Variants in CDH23 observed in about 807,000 individuals in gnomAD.
CDH23 encodes cadherin-23.
Under a neutral mutation model 317.1 loss-of-function variants are expected in CDH23, and 189 were observed. The observed-to-expected ratio is 0.60, with a 90% confidence interval of 0.53 to 0.67. CDH23 has a LOEUF of 0.67. CDH23 is among the 30% of genes least tolerant of loss of function. The pLI, the probability that CDH23 is intolerant of heterozygous loss-of-function variation, is 0.00. For missense variants in CDH23, 4,401 were observed against 4,592.4 expected, an observed-to-expected ratio of 0.96 and a Z score of 1.20; for synonymous variants, 1,839 against 1,876.8, an observed-to-expected ratio of 0.98 and a Z score of 0.52.
intron 28 of CDH23, among the ~76,000 whole-genome samples, chr10:71,721,116 G>C (rs1229786490): frequency 6.6e-6 from 1 of 152,182 alleles, no homozygotes; most frequent in Non-Finnish European, 1.5e-5. Context: ...GGTGGTGCAG[G>C]CTGCTGGAGC....
At chr10:71,747,494 C>G (rs545027206) in intron 38 of CDH23, 1 of 152,438 alleles carries the variant, frequency 6.6e-6, no homozygotes, top group African/African-American at 2.4e-5. Context: ...AGGTGAAGGC[C>G]AAGCCAGGCC....
chr10:71,412,037 C>T (rs946200177), intron 1 of CDH23, among the ~76,000 whole-genome samples: 1 of 152,192 alleles, frequency 6.6e-6, no homozygotes, highest in Non-Finnish European at 1.5e-5. Context: ...TTCTGGGTAT[C>T]TGGTATGAGT....
At chr10:71,455,781 T>C (rs1192264349) in intron 3 of CDH23, among the ~76,000 whole-genome samples, 1 of 152,208 alleles carries the variant, frequency 6.6e-6, no homozygotes, top group Non-Finnish European at 1.5e-5. Flanking sequence ...CACTCCTATA[T>C]TAAATCAGAG....
Position 71,668,855 on chromosome 10 carries a change from AT to A in CDH23, c.1450-6250del, listed in dbSNP as rs544044971. On this transcript the variant is annotated intron_variant, in intron 14 of 69. Coordinates refer to ENST00000224721, the MANE Select transcript of CDH23 (RefSeq NM_022124.6). ...GAATTTTTCACCCCCGTATGTATTT[AT>A]TTTTTTCCTTTTTGTCAGCAGAAGA... Among the ~76,000 whole-genome samples the A allele has an allele frequency of 2.2e-3, 331 of 152,114 alleles. 2 individuals carry two copies. Among genetic ancestry groups the A allele is most frequent in the Admixed American group, 5.0e-3 (77 of 15,284 alleles).
intron 45 of CDH23, 30 bp from the exon 46 acceptor site, chr10:71,790,258 C>G: frequency 6.2e-7 from 1 of 1,612,386 alleles, no homozygotes. Context: ...CTGGGTTGGT[C>G]TTGTGGTGAC....
Position 71,798,461 on chromosome 10 carries a change from A to T in CDH23, c.6937A>T (p.Thr2313Ser), listed in dbSNP as rs1386105739. The change falls in exon 50 of 70, where the codon ACC becomes TCC. Residue 2313 changes from threonine (T) to serine (S), a missense_variant. By Grantham distance (58) the Thr-to-Ser change is moderately conservative. Transcript: ENST00000224721. ...ERILEGATPG[T>S]TLIAVAAVDP... ...GATCCTGGAGGGGGCCACCCCTGGG[A>T]CCACACTCATTGCTGTGGCAGCCGT... is the stretch of plus-strand genomic sequence containing the variant. 1 of 1,613,928 alleles carries T rather than the reference A, an allele frequency of 6.2e-7. No individual in the cohort carries two copies. The highest frequency in any genetic ancestry group is 1.1e-5 in the South Asian group (1 of 91,084).
At chr10:71,428,139 CTTTTTTTT>C (rs112105182) in intron 1 of CDH23, among the ~76,000 whole-genome samples, 1 of 131,536 alleles carries the variant, frequency 7.6e-6, no homozygotes, top group African/African-American at 3.0e-5. Flanking sequence ...TTCTTTCTTT[CTTTTTTTT>C]TTTTTTTTTT....
At chr10:71,514,504 A>T (rs931207448) in intron 6 of CDH23, among the ~76,000 whole-genome samples, 1 of 152,154 alleles carries the variant, frequency 6.6e-6, no homozygotes, top group African/African-American at 2.4e-5. Flanking sequence ...AGGCGGTTCA[A>T]GGCTAGGCAT....
At chr10:71,500,816 T>TTTCTTTTCTTTTCTTTTC (rs1853276470) in intron 3 of CDH23, among the ~76,000 whole-genome samples, 1 of 115,698 alleles carries the variant, frequency 8.6e-6, no homozygotes, top group Non-Finnish European at 1.9e-5. Context: ...TTTCTTTTCT[T>TTTCTTTTCTTTTCTTTTC]TTCTCTTTCC....
At chr10:71,615,378 C>T (rs906910413) in intron 9 of CDH23, 126 bp from the exon 10 acceptor site, 4 of 712,072 alleles carry the variant, frequency 5.6e-6, no homozygotes, top group African/African-American at 3.5e-5. Flanking sequence ...GCATTCATTT[C>T]AAGTAACTGA....
At chr10:71,506,865 A>T (rs1433375997) in intron 3 of CDH23, among the ~76,000 whole-genome samples, 1 of 152,224 alleles carries the variant, frequency 6.6e-6, no homozygotes, top group Non-Finnish European at 1.5e-5. Context: ...GAAGAAGCTG[A>T]AAAGGACCAT....
chr10:71,536,912 C>G (rs1414413563), intron 6 of CDH23, among the ~76,000 whole-genome samples: 1 of 152,050 alleles, frequency 6.6e-6, no homozygotes. Context: ...CATGGGAGAC[C>G]TCTGCTGTCC....
In CDH23 at chr10:71,777,919, G is replaced by T; in HGVS notation, c.5067+18G>T. The T allele has an allele frequency of 6.2e-7, 1 of 1,613,316 alleles. No homozygotes were observed. Among genetic ancestry groups the T allele is most frequent in the Non-Finnish European group, 8.5e-7 (1 of 1,179,428 alleles). On this transcript the variant is annotated intron_variant, in intron 39 of 69. Transcript: ENST00000224721. ...GACACATGGTCAGCAGCTGATGGCA[G>T]GATCAAGACAAGGGGCGAAACCTAT...
intron 14 of CDH23, among the ~76,000 whole-genome samples, chr10:71,668,605 T>C (rs1864010242): frequency 6.6e-6 from 1 of 152,226 alleles, no homozygotes; most frequent in African/African-American, 2.4e-5. Flanking sequence ...GCTGGTCCTA[T>C]AGGGCTGTTG....
chr10:71,811,081 CA>C (rs35466313), intron 62 of CDH23, among the ~76,000 whole-genome samples: 26,536 of 66,506 alleles, frequency 0.4, 2,079 homozygotes, highest in Middle Eastern at 0.45. Flanking sequence ...GACTCCATCT[CA>C]AAAAAAAAAA....
At chr10:71,794,958 C>T (rs141011228) in intron 48 of CDH23, among the ~76,000 whole-genome samples, 139 of 152,202 alleles carry the variant, frequency 9.1e-4, no homozygotes, top group African/African-American at 3.3e-3. Context: ...GGGGTACCAG[C>T]CAGCAGTGCC....
intron 1 of CDH23, among the ~76,000 whole-genome samples, chr10:71,408,817 G>A (rs1848226367): frequency 6.6e-6 from 1 of 152,236 alleles, no homozygotes; most frequent in Non-Finnish European, 1.5e-5. Context: ...AGGGGAATGG[G>A]AAAGGCCAGG....
At chr10:71,771,201 C>G (rs1004062048) in intron 38 of CDH23, among the ~76,000 whole-genome samples, 1 of 152,126 alleles carries the variant, frequency 6.6e-6, no homozygotes, top group South Asian at 2.1e-4. Context: ...GCTCTGCTAC[C>G]CTTGAGATCT....
chr10:71,543,123 G>A (rs1333826521), intron 6 of CDH23, among the ~76,000 whole-genome samples: 4 of 152,202 alleles, frequency 2.6e-5, no homozygotes, highest in Non-Finnish European at 1.5e-5. Context: ...GTTCCTCCAG[G>A]GCCCCATTCA....
Sources: gnomAD v4.1 joint callset for allele counts (sites outside exome capture counted in the v4.1 genomes callset) on GRCh38, gnomAD v4.1.1 for gene constraint, MANE v1.5 for transcripts, NCBI Gene and HGNC (gene_info 2026-07-23, HGNC 2026-07-21) for gene names.